Variants in SLC26A11 observed in about 807,000 individuals in gnomAD.
The protein encoded by SLC26A11 is solute carrier family 26 member 11.
Under a neutral mutation model 62.2 loss-of-function variants are expected in SLC26A11, and 58 were observed. That is an observed-to-expected ratio of 0.93 (90% CI 0.76 to 1.16). SLC26A11 has a LOEUF of 1.16. SLC26A11 is among the 50% of genes most tolerant of loss of function. SLC26A11 has a pLI of 0.00. For synonymous variants in SLC26A11, 411 were observed against 368.9 expected, an observed-to-expected ratio of 1.11 and a Z score of -1.31; for missense variants, 790 against 794.3, an observed-to-expected ratio of 0.99 and a Z score of 0.06.
chr17:80,246,593 T>C lies in SLC26A11; in HGVS notation c.1238T>C (p.Met413Thr). 1 of 1,614,056 alleles carries C rather than the reference T, an allele frequency of 6.2e-7. No individual in the cohort carries two copies. Among genetic ancestry groups the C allele is most frequent in the Non-Finnish European group, 8.5e-7 (1 of 1,180,020 alleles). Reference sequence around the variant, plus strand: ...TCTGCCCTGGCTGCCGTCATCATCATGGCCGTGGCCCCGCTGTTCGACACC... The same window carrying C: ...TCTGCCCTGGCTGCCGTCATCATCACGGCCGTGGCCCCGCTGTTCGACACC... ...PKSALAAVII[M>T]AVAPLFDTKI... is the part of the protein sequence containing the mutation. Residue 413 changes from methionine to threonine, a missense_variant, in exon 13 of 18, where the codon ATG (methionine) becomes ACG (threonine). Met to Thr is a moderately conservative substitution (Grantham distance 81). Transcript: ENST00000361193. This position sits in a 1 kb window ranked among gnomAD's most constrained non-coding sequence, Gnocchi z 4.4.
chr17:80,252,079 C>T lies in SLC26A11; in HGVS notation c.1730-546C>T, dbSNP rs73432170. ...GGGACAGGAGCAGGGTGGGCGCTGA[C>T]CCTTGAGACAGCAATCGCAGGAGGT... On this transcript the variant is annotated intron_variant, in intron 17 of 17. Coordinates refer to ENST00000361193, the MANE Select transcript of SLC26A11 (RefSeq NM_001166347.2). The surrounding 1 kb of genome is among the most constrained non-coding windows in gnomAD (Gnocchi z 5.2). Among the ~76,000 whole-genome samples the T allele has an allele frequency of 3.2e-3, 489 of 152,090 alleles. 2 individuals carry two copies. Among genetic ancestry groups the T allele is most frequent in the Admixed American group, 4.8e-3 (73 of 15,264 alleles).
At position 80,222,738 on chromosome 17, in the gene SLC26A11, C is replaced by CA; in HGVS notation, c.319dup (p.Ile107AsnfsTer13). 1 of 1,614,176 alleles carries CA rather than the reference C, an allele frequency of 6.2e-7. No individual in the cohort carries two copies. The highest frequency in any genetic ancestry group is 2.2e-5 in the East Asian group (1 of 44,880). On this transcript the variant is annotated frameshift_variant, in exon 4 of 18. Transcript: ENST00000361193. LOFTEE classifies it high-confidence loss of function. This position sits in a 1 kb window ranked among gnomAD's most constrained non-coding sequence, Gnocchi z 4.7. ...GGGATGTGACTCTGGGCCCCACCGCCATTATGTCCCTCCTGGTCTCCTTCT... is the reference window on the plus strand; with the variant it reads ...GGGATGTGACTCTGGGCCCCACCGCCAATTATGTCCCTCCTGGTCTCCTTCT...
intron 3 of SLC26A11, 73 bp downstream of exon 3, chr17:80,221,867 C>A: frequency 7.1e-7 from 1 of 1,409,170 alleles, no homozygotes; most frequent in East Asian, 2.5e-5. Context: ...TCCCAGACAC[C>A]ATCAGCGATT....
Position 80,223,444 on chromosome 17 carries a change from G to T in SLC26A11, c.513+107G>T. 1 of 1,036,542 alleles carries T rather than the reference G, an allele frequency of 9.6e-7. No homozygotes were observed. The highest frequency in any genetic ancestry group is 1.3e-5 in the South Asian group (1 of 75,620). 64.2% of individuals were successfully genotyped at this position (1,036,542 alleles called of 1,614,324 possible). A position where few individuals can be genotyped will look rare whatever the true frequency, so the allele number is the denominator to read the frequency against. On this transcript the variant is annotated intron_variant, in intron 5 of 17. Transcript: ENST00000361193. The surrounding 1 kb of genome is among the most constrained non-coding windows in gnomAD (Gnocchi z 4.6). Reference sequence around the variant, plus strand: ...GTCCTGATCCCTGTGGCCAGTGGACGTCTTGCTGTTTCAGATTGTCTTCCA... The same window carrying T: ...GTCCTGATCCCTGTGGCCAGTGGACTTCTTGCTGTTTCAGATTGTCTTCCA...
At position 80,237,704 on chromosome 17, in the gene SLC26A11, A is replaced by G. The variant is rs1296467270; in HGVS notation, c.985+110A>G. The G allele has an allele frequency of 6.0e-6, 6 of 992,338 alleles. No individual in the cohort carries two copies. In the Admixed American group the frequency reaches 9.1e-5, roughly 15 times the overall value. The allele number at this position is 992,338 out of a possible 1,614,324, so 61.5% of individuals were successfully genotyped here. The stretch of plus-strand genomic sequence containing the variant: ...TTACTAGTTTTAGAAATTTGAATTC[A>G]TATCCAAGTAATACATGCTCATGAT... On this transcript the variant is annotated intron_variant, in intron 9 of 17. Coordinates refer to ENST00000361193, the MANE Select transcript of SLC26A11 (RefSeq NM_001166347.2).
At chr17:80,247,338 G>A (rs903331174) in intron 13 of SLC26A11, among the ~76,000 whole-genome samples, 24 of 152,138 alleles carry the variant, frequency 1.6e-4, no homozygotes, top group African/African-American at 2.4e-4. Context: ...ATCATGGCGC[G>A]TTCTCAATGA....
At chr17:80,251,552 C>T (rs2043156874) in intron 17 of SLC26A11, 151 bp downstream of exon 17, 1 of 978,370 alleles carries the variant, frequency 1.0e-6, no homozygotes, top group African/African-American at 1.7e-5. Context: ...CACCTGAGGT[C>T]AGGAGTTCGA....
chr17:80,240,163 G>A (rs904877029), intron 9 of SLC26A11, among the ~76,000 whole-genome samples: 1 of 151,856 alleles, frequency 6.6e-6, no homozygotes, highest in East Asian at 2.0e-4. Context: ...GTCAGGAGAT[G>A]GAGACCATCC....
chr17:80,243,537 G>A (rs938527048), intron 10 of SLC26A11, among the ~76,000 whole-genome samples: 1 of 152,138 alleles, frequency 6.6e-6, no homozygotes, highest in Non-Finnish European at 1.5e-5. Context: ...AGCTGGGATT[G>A]CAGGCACCTG....
intron 10 of SLC26A11, among the ~76,000 whole-genome samples, chr17:80,242,659 C>T (rs774615024): frequency 3.2e-4 from 48 of 152,202 alleles, no homozygotes; most frequent in African/African-American, 8.4e-4. Flanking sequence ...CCTTTTGTTA[C>T]GTCTCTGCGG....
intron 11 of SLC26A11, 112 bp downstream of exon 11, chr17:80,245,368 G>A (rs908395350): frequency 1.2e-5 from 12 of 1,027,286 alleles, no homozygotes; most frequent in African/African-American, 4.7e-5. Context: ...CACTGTGAAC[G>A]CTCCGTGGAG....
At position 80,227,834 on chromosome 17, in the gene SLC26A11, C is replaced by T. The variant is rs761931811; in HGVS notation, c.610C>T (p.Leu204=). ...TGTCCACAGGGTAGGTGACGCCGTC[C>T]TGGGGCTGGTCTGCATGCTGCTGCT... is the stretch of plus-strand genomic sequence containing the variant. ...IAETRVGDAV[L]GLVCMLLLLV... Residue 204 remains leucine (L), a synonymous_variant, in exon 7 of 18, where the codon CTG becomes TTG. Transcript: ENST00000361193. The T allele has an allele frequency of 4.4e-6, 7 of 1,603,930 alleles. No homozygotes were observed. In the African/African-American group the frequency reaches 9.3e-5, roughly 21 times the overall value.
At chr17:80,249,374 G>A in intron 16 of SLC26A11, 87 bp downstream of exon 16, 1 of 1,537,274 alleles carries the variant, frequency 6.5e-7, no homozygotes, top group Non-Finnish European at 8.8e-7. Context: ...TGACATCTCT[G>A]GGCTGTGATG....
chr17:80,222,650 C>A lies in SLC26A11; in HGVS notation c.235-5C>A. The A allele has an allele frequency of 6.2e-7, 1 of 1,613,180 alleles. No homozygotes were observed. Among genetic ancestry groups the A allele is most frequent in the Non-Finnish European group, 8.5e-7 (1 of 1,179,382 alleles). ...CTGAGTGCTCACCACCCTCTCTCCC[C>A]ACAGTATGGCCTCTACTCTGCCTTC... On this transcript the variant is annotated splice_polypyrimidine_tract_variant and splice_region_variant and intron_variant, in intron 3 of 17. Transcript: ENST00000361193. This position sits in a 1 kb window ranked among gnomAD's most constrained non-coding sequence, Gnocchi z 4.7.
Position 80,223,455 on chromosome 17 carries a change from T to C in SLC26A11, c.513+118T>C. ...TGTGGCCAGTGGACGTCTTGCTGTT[T>C]CAGATTGTCTTCCATGGGTCAAGAA... On this transcript the variant is annotated intron_variant, in intron 5 of 17. Coordinates refer to ENST00000361193, the MANE Select transcript of SLC26A11 (RefSeq NM_001166347.2). The surrounding 1 kb of genome is among the most constrained non-coding windows in gnomAD (Gnocchi z 4.6). 3.2e-6 allele frequency: 3 copies of C among 932,484 alleles called. No homozygotes were observed. The Admixed American group carries it at 6.2e-5, about 19-fold the overall frequency. The allele number at this position is 932,484 out of a possible 1,614,324, so 57.8% of individuals were successfully genotyped here.
At chr17:80,233,990 T>TA (rs1276845445) in intron 7 of SLC26A11, among the ~76,000 whole-genome samples, 1 of 151,956 alleles carries the variant, frequency 6.6e-6, no homozygotes, top group Non-Finnish European at 1.5e-5. Context: ...CAGTACTTTT[T>TA]AAAAAAAAGT....
chr17:80,230,178 AGC>A (rs1339378813), intron 7 of SLC26A11, among the ~76,000 whole-genome samples: 1 of 143,954 alleles, frequency 6.9e-6, no homozygotes, highest in East Asian at 2.1e-4. Context: ...CTGGCAACAG[AGC>A]GAGACTCCTT....
intron 7 of SLC26A11, among the ~76,000 whole-genome samples, chr17:80,230,315 G>T: frequency 6.6e-6 from 1 of 152,102 alleles, no homozygotes; most frequent in East Asian, 1.9e-4. Context: ...GGGAGACAGC[G>T]AAAGGCTCAG....
At chr17:80,235,306 C>T (rs2042664718) in intron 7 of SLC26A11, among the ~76,000 whole-genome samples, 1 of 151,752 alleles carries the variant, frequency 6.6e-6, no homozygotes, top group Non-Finnish European at 1.5e-5. Context: ...CTTTTAATGT[C>T]CTGTTAATTC....
Sources: allele counts gnomAD v4.1 joint callset (sites outside exome capture counted in the v4.1 genomes callset), GRCh38; gene constraint gnomAD v4.1.1; non-coding constraint Gnocchi (gnomAD v3.1); transcripts MANE v1.5; gene names NCBI Gene and HGNC (gene_info 2026-07-23, HGNC 2026-07-21).